Variants in C17orf114 observed in about 807,000 individuals in gnomAD.
The protein encoded by C17orf114 is chromosome 17 open reading frame 114.
upstream of C17orf114, chr17:4,806,703 C>T (rs1026482034): frequency 1.3e-5 from 2 of 152,112 alleles, no homozygotes; most frequent in Non-Finnish European, 2.9e-5. Flanking sequence ...GCTATCTGGG[C>T]TAGGCCAAAT....
At chr17:4,801,637 C>T (rs1224093386) in intron 1 of C17orf114, among the ~76,000 whole-genome samples, 182 bp from the exon 2 acceptor site, 3 of 152,024 alleles carry the variant, frequency 2.0e-5, no homozygotes, top group Non-Finnish European at 2.9e-5. Context: ...AGGACTGGCT[C>T]GCACACATGT....
chr17:4,801,388 T>C (rs562185583), exon 2 of C17orf114: 55 of 398,712 alleles, frequency 1.4e-4, no homozygotes, highest in Non-Finnish European at 2.4e-4. Context: ...CTGGCGAGGG[T>C]ACCCCTCCCT....
chr17:4,802,250 C>T (rs1905531874), exon 1 of C17orf114: 1 of 399,854 alleles, frequency 2.5e-6, no homozygotes, highest in East Asian at 3.6e-5. Context: ...TCCATACCTG[C>T]TCCTCTTTCA....
At chr17:4,806,166 A>C (rs1375567480), upstream of C17orf114, among the ~76,000 whole-genome samples, 1 of 152,264 alleles carries the variant, frequency 6.6e-6, no homozygotes, top group African/African-American at 2.4e-5. Context: ...CCAACGCTAA[A>C]GACTGACAAT....
At chr17:4,802,474 AG>A (rs942304602), upstream of C17orf114, 3 of 395,126 alleles carry the variant, frequency 7.6e-6, no homozygotes, top group African/African-American at 6.2e-5. Flanking sequence ...GAGAGGAGGG[AG>A]GAAGAAAGGG....
upstream of C17orf114, among the ~76,000 whole-genome samples, chr17:4,802,932 T>A (rs1035675731): frequency 1.1e-4 from 16 of 152,160 alleles, no homozygotes; most frequent in African/African-American, 3.9e-4. Flanking sequence ...GATCTTTTTT[T>A]TGGGGGACAG....
exon 1 of C17orf114, chr17:4,802,283 C>G (rs1056455032): frequency 7.5e-6 from 3 of 399,676 alleles, no homozygotes; most frequent in East Asian, 7.1e-5. Flanking sequence ...CTCCGGCACC[C>G]GCACCATGGG....
chr17:4,805,074 C>G (rs1392727143), upstream of C17orf114, among the ~76,000 whole-genome samples: 1 of 152,154 alleles, frequency 6.6e-6, no homozygotes, highest in African/African-American at 2.4e-5. Flanking sequence ...AATCTTTTCC[C>G]TACACCCTGC....
intron 1 of C17orf114, 42 bp downstream of exon 1, chr17:4,802,201 CTCTG>C (rs1905530238): frequency 5.0e-6 from 2 of 399,244 alleles, no homozygotes; most frequent in Admixed American, 8.8e-5. Flanking sequence ...GCAGTTGTCT[CTCTG>C]TCTGCCTGAC....
chr17:4,804,334 A>G (rs1905589106), upstream of C17orf114, among the ~76,000 whole-genome samples: 1 of 151,544 alleles, frequency 6.6e-6, no homozygotes, highest in Admixed American at 6.6e-5. Flanking sequence ...CCTCCCAAGT[A>G]GCTGGGACTA....
At chr17:4,806,748 C>G (rs1174167208), upstream of C17orf114, 1 of 151,724 alleles carries the variant, frequency 6.6e-6, no homozygotes, top group Non-Finnish European at 1.5e-5. Flanking sequence ...GGGGCACCTA[C>G]CGGCAGCTCC....
chr17:4,805,377 G>A (rs147113966), upstream of C17orf114, among the ~76,000 whole-genome samples: 107 of 149,810 alleles, frequency 7.1e-4, no homozygotes, highest in African/African-American at 2.5e-3. Flanking sequence ...AGCCGAGATC[G>A]CGCCATTGCA....
upstream of C17orf114, among the ~76,000 whole-genome samples, chr17:4,804,759 G>T (rs941475275): frequency 1.3e-5 from 2 of 150,458 alleles, no homozygotes; most frequent in African/African-American, 2.4e-5. Context: ...CTAATTTTTT[G>T]TATTTTTAGT....
intron 1 of C17orf114, 37 bp from the exon 2 acceptor site, chr17:4,801,492 G>C (rs1905506850): frequency 2.5e-6 from 1 of 398,716 alleles, no homozygotes; most frequent in African/African-American, 2.1e-5. Context: ...TGTAGGTCAG[G>C]GTTCACCTCC....
intron 1 of C17orf114, among the ~76,000 whole-genome samples, chr17:4,802,007 G>A (rs1361265397): frequency 1.3e-5 from 2 of 152,098 alleles, no homozygotes; most frequent in African/African-American, 2.4e-5. Context: ...AGGATTACAG[G>A]CATGAGCCAC....
intron 1 of C17orf114, among the ~76,000 whole-genome samples, chr17:4,801,957 C>T (rs2150662227): frequency 6.6e-6 from 1 of 152,224 alleles, no homozygotes; most frequent in Admixed American, 6.6e-5. Context: ...TCTCCATCCC[C>T]TGACCTCGTG....
At chr17:4,805,228 C>T (rs950165517), upstream of C17orf114, among the ~76,000 whole-genome samples, 4 of 148,410 alleles carry the variant, frequency 2.7e-5, no homozygotes, top group African/African-American at 9.9e-5. Context: ...AGGAGTTCGA[C>T]GCCAGCCTGA....
chr17:4,804,160 AG>A (rs1905582686), upstream of C17orf114, among the ~76,000 whole-genome samples: 1 of 151,856 alleles, frequency 6.6e-6, no homozygotes, highest in Non-Finnish European at 1.5e-5. Flanking sequence ...AAGGACTCTA[AG>A]TGCTCTTAAG....
upstream of C17orf114, among the ~76,000 whole-genome samples, chr17:4,804,426 G>A (rs1311380259): frequency 6.6e-6 from 1 of 151,722 alleles, no homozygotes; most frequent in Non-Finnish European, 1.5e-5. Flanking sequence ...GGATGGTCTC[G>A]ATATCGTGAC....
Sources: gnomAD v4.1 joint callset for allele counts (sites outside exome capture counted in the v4.1 genomes callset) on GRCh38, gnomAD v4.1.1 for gene constraint, MANE v1.5 for transcripts, NCBI Gene and HGNC (gene_info 2026-07-23, HGNC 2026-07-21) for gene names.